The following ITSN1 variants were observed in gnomAD, a reference collection of about 807,000 sequenced individuals.
ITSN1 encodes the protein intersectin 1.
ITSN1 carries 58 observed loss-of-function variants against 239.8 expected under a neutral mutation model. The ratio of observed to expected loss-of-function variants is 0.24; its 90% CI spans 0.20 to 0.30. ITSN1 has a LOEUF of 0.30. ITSN1 is among the 10% of genes least tolerant of loss of function. The pLI is 1.00. For missense variants in ITSN1, 1,558 were observed against 2,103.3 expected, an observed-to-expected ratio of 0.74 and a Z score of 5.07; for synonymous variants, 780 against 770.8, an observed-to-expected ratio of 1.01 and a Z score of -0.20.
intron 1 of ITSN1, among the ~76,000 whole-genome samples, chr21:33,668,837 G>C (rs1285722266): frequency 6.6e-6 from 1 of 152,242 alleles, no homozygotes; most frequent in East Asian, 1.9e-4. Flanking sequence ...CCAGGGAAAA[G>C]TGTGAAAGGG....
At chr21:33,713,475 C>T (rs2092474316) in intron 1 of ITSN1, among the ~76,000 whole-genome samples, 1 of 152,068 alleles carries the variant, frequency 6.6e-6, no homozygotes, top group Non-Finnish European at 1.5e-5. Context: ...ATCTGCTGAC[C>T]TCATGATCTG....
chr21:33,771,288 A>G (rs905276166), intron 11 of ITSN1, among the ~76,000 whole-genome samples: 2 of 152,138 alleles, frequency 1.3e-5, no homozygotes, highest in African/African-American at 2.4e-5. Context: ...GTGAGAAGCA[A>G]TGGTTCTTAG....
At chr21:33,715,820 A>T (rs2065100658) in intron 1 of ITSN1, among the ~76,000 whole-genome samples, 1 of 152,186 alleles carries the variant, frequency 6.6e-6, no homozygotes, top group East Asian at 1.9e-4. Flanking sequence ...TCGGAGGCAG[A>T]GGCAGGAGAA....
intron 15 of ITSN1, 129 bp from the exon 16 acceptor site, chr21:33,781,865 C>T: frequency 2.3e-6 from 2 of 886,302 alleles, no homozygotes; most frequent in African/African-American, 1.7e-5. Context: ...AGGTGTAGGC[C>T]ACCGCACCCA....
At chr21:33,646,305 A>C (rs927578865) in intron 1 of ITSN1, among the ~76,000 whole-genome samples, 1 of 152,222 alleles carries the variant, frequency 6.6e-6, no homozygotes, top group Non-Finnish European at 1.5e-5. Context: ...TTAGAGAGTC[A>C]AAATGTAAAT....
At chr21:33,642,989 G>A (rs2087544712) in intron 1 of ITSN1, among the ~76,000 whole-genome samples, 1 of 149,934 alleles carries the variant, frequency 6.7e-6, no homozygotes, top group Admixed American at 6.6e-5. Context: ...TGGCGGCCGC[G>A]GGACGGGCGT....
intron 27 of ITSN1, among the ~76,000 whole-genome samples, chr21:33,833,704 A>G (rs529707031): frequency 6.6e-6 from 1 of 152,188 alleles, no homozygotes; most frequent in South Asian, 2.1e-4. Flanking sequence ...TGTCTCTACT[A>G]AAAATACAAA....
At chr21:33,796,017 G>GA (rs1429762544) in intron 17 of ITSN1, among the ~76,000 whole-genome samples, 3 of 150,090 alleles carry the variant, frequency 2.0e-5, no homozygotes, top group Non-Finnish European at 3.0e-5. Context: ...AGGCTGGAGT[G>GA]CAGTGGCACG....
At chr21:33,676,049 T>C (rs536638318) in intron 1 of ITSN1, among the ~76,000 whole-genome samples, 1 of 151,818 alleles carries the variant, frequency 6.6e-6, no homozygotes, top group Non-Finnish European at 1.5e-5. Flanking sequence ...TTTTTTTTTG[T>C]TTGACATGGA....
intron 29 of ITSN1, among the ~76,000 whole-genome samples, chr21:33,845,272 C>A (rs1479816626): frequency 6.6e-6 from 1 of 151,760 alleles, no homozygotes; most frequent in East Asian, 1.9e-4. Flanking sequence ...GGGGGAGGCA[C>A]GTCCAAAGAT....
chr21:33,883,973 C>T (rs995773567), intron 36 of ITSN1, among the ~76,000 whole-genome samples: 1 of 147,854 alleles, frequency 6.8e-6, no homozygotes, highest in Non-Finnish European at 1.5e-5. Context: ...AGTCACAGCT[C>T]ACTGCAGCCT....
At chr21:33,781,721 G>C (rs572476307) in intron 15 of ITSN1, among the ~76,000 whole-genome samples, 173 bp downstream of exon 15, 1 of 152,212 alleles carries the variant, frequency 6.6e-6, no homozygotes, top group South Asian at 2.1e-4. Flanking sequence ...TGGGACTACA[G>C]GTGCATGCCA....
intron 25 of ITSN1, among the ~76,000 whole-genome samples, chr21:33,824,036 A>G (rs2073840019): frequency 6.6e-6 from 1 of 152,208 alleles, no homozygotes; most frequent in Admixed American, 6.5e-5. Context: ...TTGCCTGTAT[A>G]AACAGAAGTA....
rs1445473638 is a variant in ITSN1 at position 33,885,142 on chromosome 21, G to T, written c.4759+19G>T. On this transcript the variant is annotated intron_variant, in intron 37 of 39. Coordinates refer to ENST00000381318, the MANE Select transcript of ITSN1 (RefSeq NM_003024.3). The stretch of plus-strand genomic sequence containing the variant: ...TACCTGGGTAATGCATGGCCCCGCG[G>T]GGTGTCCTGCACAGCTGGGCAGGAG... 1.2e-6 allele frequency: 2 copies of T among 1,603,636 alleles called. No individual in the cohort carries two copies. Among genetic ancestry groups the T allele is most frequent in the Non-Finnish European group, 1.7e-6 (2 of 1,170,828 alleles).
intron 28 of ITSN1, among the ~76,000 whole-genome samples, chr21:33,836,060 A>T (rs535908542): frequency 1.3e-5 from 2 of 152,352 alleles, no homozygotes; most frequent in South Asian, 4.1e-4. Context: ...AGTCCCCATG[A>T]TACATAGCTG....
chr21:33,751,910 A>G lies in ITSN1; in HGVS notation c.623+4A>G, dbSNP rs770907547. 3 of 1,604,672 alleles carry G rather than the reference A, an allele frequency of 1.9e-6. No individual in the cohort carries two copies. Among genetic ancestry groups the G allele is most frequent in the South Asian group, 1.1e-5 (1 of 90,610 alleles). Reference sequence around the variant, plus strand: ...CACAGTCATTTGATGTGGCCAGGTAAGTTTGCTTGTTTTTAAATGGGAAGT... The same window carrying G: ...CACAGTCATTTGATGTGGCCAGGTAGGTTTGCTTGTTTTTAAATGGGAAGT... On this transcript the variant is annotated splice_donor_region_variant and intron_variant, in intron 7 of 39. Transcript: ENST00000381318.
chr21:33,726,526 C>T (rs2065843008), intron 4 of ITSN1, among the ~76,000 whole-genome samples: 1 of 152,046 alleles, frequency 6.6e-6, no homozygotes, highest in Non-Finnish European at 1.5e-5. Context: ...GTTTTTGAGA[C>T]AGGGTCTTAC....
chr21:33,720,501 T>C (rs2065417638), intron 2 of ITSN1, among the ~76,000 whole-genome samples: 1 of 152,184 alleles, frequency 6.6e-6, no homozygotes, highest in Admixed American at 6.5e-5. Flanking sequence ...GAGCTGAAAC[T>C]GAAGGAAAAC....
rs2148198973 is a variant in ITSN1, at chr21:33,812,110, A to G, written c.2567+888A>G. Among the ~76,000 whole-genome samples, 3 of 152,356 alleles carry G rather than the reference A, an allele frequency of 2.0e-5. No homozygotes were observed. The Middle Eastern group carries it at 0.01, about 518-fold the overall frequency. The stretch of plus-strand genomic sequence containing the variant: ...TACTTTATTTTCACATAAAAGGCTG[A>G]AGGCGCTAAAGAAGGTCCCCTCATC... On this transcript the variant is annotated intron_variant, in intron 21 of 39. Coordinates refer to ENST00000381318, the MANE Select transcript of ITSN1 (RefSeq NM_003024.3).
Sources: allele counts gnomAD v4.1 joint callset (sites outside exome capture counted in the v4.1 genomes callset), GRCh38; gene constraint gnomAD v4.1.1; transcripts MANE v1.5; gene names NCBI Gene and HGNC (gene_info 2026-07-23, HGNC 2026-07-21).